C10orf67: variants seen among roughly 807,000 people sequenced by gnomAD.
The protein encoded by C10orf67 is uncharacterized protein C10orf67, mitochondrial.
In C10orf67, 60 loss-of-function variants were observed where a neutral mutation model predicts 35.6. The observed-to-expected ratio is 1.68, with a 90% confidence interval of 1.37 to 2.09. The LOEUF (loss-of-function observed/expected upper bound fraction) is 2.09, where lower values mean the gene tolerates loss of function less well. Ranked by LOEUF, C10orf67 falls within the 30% of genes most tolerant of loss-of-function variation. The pLI is 0.00. For missense variants in C10orf67, 474 were observed against 330.2 expected (o/e 1.44, Z -3.38); for synonymous variants, 167 against 115.8 (o/e 1.44, Z -2.84).
intron 10 of C10orf67, among the ~76,000 whole-genome samples, chr10:23,259,167 T>C (rs748128836): frequency 2.0e-5 from 3 of 152,204 alleles, no homozygotes; most frequent in Non-Finnish European, 4.4e-5. Flanking sequence ...CTTTCTCTGT[T>C]TACCAATCTT....
intron 4 of C10orf67, among the ~76,000 whole-genome samples, chr10:23,304,976 G>C (rs988447831): frequency 6.6e-6 from 1 of 152,122 alleles, no homozygotes; most frequent in Non-Finnish European, 1.5e-5. Flanking sequence ...CAGCAGCCAC[G>C]TAACTCGGCT....
chr10:23,236,092 CA>C (rs551908212), intron 13 of C10orf67, among the ~76,000 whole-genome samples: 4 of 151,556 alleles, frequency 2.6e-5, no homozygotes, highest in Non-Finnish European at 4.4e-5. Flanking sequence ...ACTAAAAATA[CA>C]AAAAAATTAG....
At chr10:23,264,786 C>T (rs1212785296) in intron 10 of C10orf67, among the ~76,000 whole-genome samples, 2 of 152,178 alleles carry the variant, frequency 1.3e-5, no homozygotes, top group Non-Finnish European at 2.9e-5. Flanking sequence ...GCTGCTCTGC[C>T]CCAGTGGCTG....
At chr10:23,326,092 G>A (rs548955975) in intron 2 of C10orf67, among the ~76,000 whole-genome samples, 15 of 152,192 alleles carry the variant, frequency 9.9e-5, no homozygotes, top group African/African-American at 3.6e-4. Context: ...AATTGGAGAG[G>A]ATAGAAAAAG....
Position 23,230,052 on chromosome 10 carries a change from C to G in C10orf67, c.1435-6234G>C, listed in dbSNP as rs914840195. ...AAAGATCCAATAAAGCTGGGGCACT[C>G]TTGCAAAACAGGGCATGAGCATTAG... On this transcript the variant is annotated intron_variant, in intron 13 of 15. Coordinates refer to ENST00000636213, the MANE Select transcript of C10orf67 (RefSeq NM_001371909.1). Among the ~76,000 whole-genome samples, 10 of 151,996 alleles carry G rather than the reference C, an allele frequency of 6.6e-5. No individual in the cohort carries two copies. The East Asian group carries it at 1.5e-3, about 23-fold the overall frequency.
intron 4 of C10orf67, among the ~76,000 whole-genome samples, chr10:23,307,491 T>C (rs12266732): frequency 0.079 from 12,008 of 151,964 alleles, 1,035 homozygotes; most frequent in African/African-American, 0.21. Context: ...ATCTATACAG[T>C]ATGAAAAAAT....
chr10:23,337,888 CA>C (rs1490534515), intron 1 of C10orf67, among the ~76,000 whole-genome samples: 1 of 152,196 alleles, frequency 6.6e-6, no homozygotes, highest in Non-Finnish European at 1.5e-5. Flanking sequence ...CTGAATGACA[CA>C]ATCATGAAGG....
At chr10:23,322,244 T>G in intron 3 of C10orf67, 150 bp downstream of exon 3, 1 of 703,900 alleles carries the variant, frequency 1.4e-6, no homozygotes, top group Middle Eastern at 4.1e-4. Context: ...CCCTGACACA[T>G]AGTGAAGCTC....
intron 4 of C10orf67, chr10:23,316,811 T>A (rs1311822209): frequency 6.6e-6 from 1 of 152,408 alleles, no homozygotes. Flanking sequence ...TGCAGGCAGG[T>A]CATCCCCACT....
intron 10 of C10orf67, among the ~76,000 whole-genome samples, chr10:23,251,092 G>A (rs953802777): frequency 5.3e-5 from 8 of 152,048 alleles, no homozygotes; most frequent in African/African-American, 1.9e-4. Flanking sequence ...ACGAGACCCT[G>A]TCTCAAAAAA....
intron 8 of C10orf67, among the ~76,000 whole-genome samples, chr10:23,267,923 A>G (rs1001708828): frequency 7.9e-5 from 12 of 151,996 alleles, no homozygotes; most frequent in African/African-American, 2.9e-4. Flanking sequence ...AAAAAAAAAG[A>G]TAGTTTGAGA....
intron 1 of C10orf67, among the ~76,000 whole-genome samples, chr10:23,334,841 C>A (rs1845612305): frequency 6.6e-6 from 1 of 152,186 alleles, no homozygotes; most frequent in South Asian, 2.1e-4. Context: ...CTGGCACAGT[C>A]ACTAGGTGAC....
intron 12 of C10orf67, among the ~76,000 whole-genome samples, chr10:23,242,540 T>C (rs1390572805): frequency 6.6e-6 from 1 of 151,916 alleles, no homozygotes; most frequent in Non-Finnish European, 1.5e-5. Flanking sequence ...TAAATATAAA[T>C]GAATACTGAG....
chr10:23,204,185 C>A lies in C10orf67; in HGVS notation c.1641G>T (p.Glu547Asp). The A allele has an allele frequency of 3.2e-6, 2 of 622,938 alleles. No individual in the cohort carries two copies. The highest frequency in any genetic ancestry group is 6.0e-6 in the Non-Finnish European group (2 of 335,582). 38.6% of individuals were successfully genotyped at this position (622,938 alleles called of 1,614,324 possible). ...EPSMRQSSPA[E>D]TVD ...GGCTTCTGCTGGGTTAATCAACAGT[C>A]TCTGCGGGGCTGCTCTGGCGCATGG... The change falls in exon 16 of 16, where the codon GAG (glutamate) becomes GAT (aspartate). Residue 547 changes from glutamate (E) to aspartate (D), a missense_variant. Coordinates refer to ENST00000636213, the MANE Select transcript of C10orf67 (RefSeq NM_001371909.1).
chr10:23,261,679 C>G (rs1269459284), intron 10 of C10orf67, among the ~76,000 whole-genome samples: 1 of 152,098 alleles, frequency 6.6e-6, no homozygotes, highest in East Asian at 1.9e-4. Flanking sequence ...GCTGCATAAG[C>G]TAACACAACT....
intron 1 of C10orf67, chr10:23,344,357 G>A (rs2132433801): frequency 1.7e-6 from 1 of 595,972 alleles, no homozygotes; most frequent in South Asian, 2.0e-5. Context: ...AGTGGAGAGG[G>A]GGAGGAGGAG....
intron 8 of C10orf67, among the ~76,000 whole-genome samples, chr10:23,279,865 T>C (rs559758231): frequency 6.6e-6 from 1 of 151,928 alleles, no homozygotes; most frequent in Admixed American, 6.6e-5. Context: ...TCTATTTTTT[T>C]AAATAGACAG....
intron 2 of C10orf67, among the ~76,000 whole-genome samples, chr10:23,325,615 A>G (rs1456193637): frequency 6.6e-6 from 1 of 151,414 alleles, no homozygotes; most frequent in Non-Finnish European, 1.5e-5. Context: ...AGGGGACTAT[A>G]TCAGAACCCA....
chr10:23,279,765 C>G (rs1270904745), intron 8 of C10orf67, among the ~76,000 whole-genome samples: 3 of 151,802 alleles, frequency 2.0e-5, no homozygotes, highest in Non-Finnish European at 4.4e-5. Flanking sequence ...TACAATCACT[C>G]TAGGTTGCAT....
Sources: gnomAD v4.1 joint callset for allele counts (sites outside exome capture counted in the v4.1 genomes callset) on GRCh38, gnomAD v4.1.1 for gene constraint, MANE v1.5 for transcripts, NCBI Gene and HGNC (gene_info 2026-07-23, HGNC 2026-07-21) for gene names.